ERC1: variants seen among roughly 807,000 people sequenced by gnomAD.
ERC1 encodes RAB6 interacting protein 2.
A neutral mutation model predicts 132.0 loss-of-function variants in ERC1; 56 were observed. That is an observed-to-expected ratio of 0.42 (90% CI 0.34 to 0.53). The LOEUF (loss-of-function observed/expected upper bound fraction) is 0.53, where lower values mean the gene tolerates loss of function less well. ERC1 is among the 20% of genes least tolerant of loss of function. ERC1 has a pLI of 0.03. For missense variants in ERC1, 1,202 were observed against 1,349.9 expected, an observed-to-expected ratio of 0.89 and a Z score of 1.72; for synonymous variants, 478 against 476.1, an observed-to-expected ratio of 1.00 and a Z score of -0.05.
At chr12:1,414,333 CTG>C (rs916221683) in intron 17 of ERC1, among the ~76,000 whole-genome samples, 9 of 152,328 alleles carry the variant, frequency 5.9e-5, no homozygotes, top group African/African-American at 2.2e-4. Context: ...TGGCTTCTCA[CTG>C]TGTCTTCACA....
At chr12:1,055,692 C>T (rs1202397851) in intron 2 of ERC1, among the ~76,000 whole-genome samples, 3 of 152,186 alleles carry the variant, frequency 2.0e-5, no homozygotes, top group East Asian at 1.9e-4. Flanking sequence ...GTGTAAAAAG[C>T]GCAAGCTACG....
chr12:1,490,171 G>A lies in ERC1; in HGVS notation c.3292G>A (p.Ala1098Thr), dbSNP rs2094304601. ...EFANAILQQI[A>T]DHCPDILEQV... is the part of the protein sequence containing the mutation. ...TGCCAACGCCATTCTTCAGCAGATA[G>A]CAGACCATTGTCCCGACATCCTAGA... Residue 1098 changes from alanine to threonine, a missense_variant, in exon 19 of 19, where the codon GCA becomes ACA. Ala to Thr is a moderately conservative substitution (Grantham distance 58, BLOSUM62 0). Transcript: ENST00000360905. 1 of 1,614,074 alleles carries A rather than the reference G, an allele frequency of 6.2e-7. No individual in the cohort carries two copies. The highest frequency in any genetic ancestry group is 1.3e-5 in the African/African-American group (1 of 74,922).
intron 15 of ERC1, among the ~76,000 whole-genome samples, chr12:1,296,613 A>G (rs578135887): frequency 7.2e-4 from 109 of 151,968 alleles, no homozygotes; most frequent in African/African-American, 2.5e-3. Flanking sequence ...AGGTTTTTCC[A>G]TGTTGGTCAG....
intron 15 of ERC1, among the ~76,000 whole-genome samples, chr12:1,333,328 G>C (rs1215264577): frequency 7.2e-6 from 1 of 139,744 alleles, no homozygotes; most frequent in African/African-American, 2.7e-5. Flanking sequence ...TATATGTACC[G>C]CATTTTTTTT....
chr12:1,053,294 A>ACAATT (rs1269872950), intron 2 of ERC1, among the ~76,000 whole-genome samples: 1 of 152,204 alleles, frequency 6.6e-6, no homozygotes, highest in Non-Finnish European at 1.5e-5. Context: ...TGACTATGGA[A>ACAATT]CAATTCAAGT....
At chr12:1,372,284 T>C (rs1227702616) in intron 16 of ERC1, among the ~76,000 whole-genome samples, 1 of 152,226 alleles carries the variant, frequency 6.6e-6, no homozygotes, top group Non-Finnish European at 1.5e-5. Flanking sequence ...AAAGGCTTTT[T>C]TTTTTAAACA....
chr12:1,292,003 G>A (rs1054861311), intron 15 of ERC1, among the ~76,000 whole-genome samples: 1 of 152,138 alleles, frequency 6.6e-6, no homozygotes, highest in Non-Finnish European at 1.5e-5. Context: ...AAGGATAAAA[G>A]GGAGCAGGGG....
Position 1,154,213 on chromosome 12 carries a change from G to GTATGTGTATGTA in ERC1, c.1737+12431_1737+12432insGTATGTATATGT, listed in dbSNP as rs1195346483. On this transcript the variant is annotated intron_variant, in intron 8 of 18. Transcript: ENST00000360905. ...GAGTAGTATTCCATGGTGTGTGTGTGTATGTATATGTATATGTATATGTAT... is the reference window on the plus strand; with the variant it reads ...GAGTAGTATTCCATGGTGTGTGTGTGTATGTGTATGTATATGTATATGTATATGTATATGTAT... Among the ~76,000 whole-genome samples, 921 of 142,962 alleles carry GTATGTGTATGTA rather than the reference G, an allele frequency of 6.4e-3. 17 individuals are homozygous for GTATGTGTATGTA. Among genetic ancestry groups the GTATGTGTATGTA allele is most frequent in the African/African-American group, 0.023 (877 of 38,192 alleles). 93.8% of individuals were successfully genotyped at this position (142,962 alleles called of 152,430 possible).
At chr12:1,292,531 C>T (rs1443870117) in intron 15 of ERC1, among the ~76,000 whole-genome samples, 4 of 152,132 alleles carry the variant, frequency 2.6e-5, no homozygotes, top group Admixed American at 6.5e-5. Flanking sequence ...GTAAAGCTGG[C>T]AGAGAAATCC....
chr12:1,335,442 A>G (rs1366086651), intron 15 of ERC1, among the ~76,000 whole-genome samples: 4 of 152,194 alleles, frequency 2.6e-5, no homozygotes, highest in Non-Finnish European at 4.4e-5. Context: ...ACATGAAGCA[A>G]TGTTGAATTT....
chr12:1,491,604 C>A lies in ERC1; in HGVS notation c.*1374C>A. 1 of 216,086 alleles carries A rather than the reference C, an allele frequency of 4.6e-6. No homozygotes were observed. Among genetic ancestry groups the A allele is most frequent in the Non-Finnish European group, 9.2e-6 (1 of 108,118 alleles). The allele number at this position is 216,086 out of a possible 1,614,324, so 13.4% of individuals were successfully genotyped here. A position where few individuals can be genotyped will look rare whatever the true frequency, so the allele number is the denominator to read the frequency against. The stretch of plus-strand genomic sequence containing the variant: ...ATGGAATTCATGAGTTTGGGGGTCT[C>A]AGTCACCCGCTTGCCTGTAGGATTC... On this transcript the variant is annotated 3_prime_UTR_variant, in exon 19 of 19. Coordinates refer to ENST00000360905, the MANE Select transcript of ERC1 (RefSeq NM_178040.4).
intron 12 of ERC1, among the ~76,000 whole-genome samples, chr12:1,200,833 C>G (rs1205588710): frequency 1.3e-5 from 2 of 152,192 alleles, no homozygotes; most frequent in African/African-American, 4.8e-5. Flanking sequence ...GCTGGGATTT[C>G]AGGCGTGAGC....
intron 2 of ERC1, among the ~76,000 whole-genome samples, chr12:1,040,451 C>T (rs1290653881): frequency 6.6e-6 from 1 of 151,748 alleles, no homozygotes; most frequent in Non-Finnish European, 1.5e-5. Context: ...AGACTACAGG[C>T]ACCCACCACC....
At chr12:1,402,227 T>C (rs546605531) in intron 16 of ERC1, among the ~76,000 whole-genome samples, 15 of 152,220 alleles carry the variant, frequency 9.9e-5, no homozygotes, top group Non-Finnish European at 1.3e-4. Flanking sequence ...TCTTAACACA[T>C]ATATAAAATT....
chr12:1,150,752 C>T (rs1950760877), intron 8 of ERC1, among the ~76,000 whole-genome samples: 1 of 152,106 alleles, frequency 6.6e-6, no homozygotes, highest in Non-Finnish European at 1.5e-5. Context: ...AACATTCCAC[C>T]AAACAACTGA....
chr12:1,284,508 A>G (rs1437535025), intron 14 of ERC1, among the ~76,000 whole-genome samples: 1 of 152,036 alleles, frequency 6.6e-6, no homozygotes, highest in Admixed American at 6.6e-5. Flanking sequence ...GTTTAAGGAA[A>G]CACCATACTA....
At chr12:1,354,669 G>A (rs556695846) in intron 15 of ERC1, among the ~76,000 whole-genome samples, 2 of 152,264 alleles carry the variant, frequency 1.3e-5, no homozygotes, top group South Asian at 2.1e-4. Flanking sequence ...GGGTCAGGGC[G>A]CAACAGAGCC....
intron 15 of ERC1, among the ~76,000 whole-genome samples, chr12:1,365,097 A>G (rs1339319605): frequency 1.3e-5 from 2 of 152,150 alleles, no homozygotes; most frequent in African/African-American, 4.8e-5. Flanking sequence ...AGCCTTATAT[A>G]ATCCCACTAT....
intron 17 of ERC1, among the ~76,000 whole-genome samples, chr12:1,436,155 G>GACACACACACACACAC (rs139467911): frequency 6.7e-6 from 1 of 148,630 alleles, no homozygotes; most frequent in South Asian, 2.1e-4. Flanking sequence ...CAGACAGACG[G>GACACACACACACACAC]ACACACACAC....
Sources: gnomAD v4.1 joint callset for allele counts (sites outside exome capture counted in the v4.1 genomes callset) on GRCh38, gnomAD v4.1.1 for gene constraint, MANE v1.5 for transcripts, NCBI Gene and HGNC (gene_info 2026-07-23, HGNC 2026-07-21) for gene names.